Variants in DMD observed in about 807,000 individuals in gnomAD.
The protein encoded by DMD is dystrophin.
Under a neutral mutation model 330.1 loss-of-function variants are expected in DMD, and 63 were observed. That is an observed-to-expected ratio of 0.19 (90% CI 0.16 to 0.24). The LOEUF (loss-of-function observed/expected upper bound fraction) is 0.24. Among genes scored for constraint, DMD ranks in the 10% least tolerant of loss-of-function variants. The probability of loss-of-function intolerance (pLI) is 1.00; values close to 1 mark genes in which losing one functional copy is unlikely to be tolerated. For synonymous variants in DMD, 1,223 were observed against 959.8 expected, an observed-to-expected ratio of 1.27 and a Z score of -5.07; for missense variants, 3,344 against 2,684.1, an observed-to-expected ratio of 1.25 and a Z score of -5.43.
At chrX:32,686,412 AG>A (rs1229893889) in intron 9 of DMD, among the ~76,000 whole-genome samples, 2 of 109,692 alleles carry the variant, frequency 1.8e-5, no homozygotes, top group African/African-American at 6.7e-5. Context: ...TACAAAAATT[AG>A]CTGGGTGTGG....
intron 7 of DMD, among the ~76,000 whole-genome samples, chrX:32,763,234 A>T (rs952618460): frequency 3.6e-5 from 4 of 112,215 alleles, no homozygotes; most frequent in African/African-American, 1.3e-4. Flanking sequence ...GTTTATTCAG[A>T]ATTATTTAAT....
chrX:32,618,149 G>A (rs1282008189), intron 11 of DMD, among the ~76,000 whole-genome samples: 1 of 111,879 alleles, frequency 8.9e-6, no homozygotes, highest in East Asian at 2.8e-4. Flanking sequence ...ATTGGACCCA[G>A]CAATCCTATT....
chrX:31,688,818 C>G (rs535952937), intron 52 of DMD, among the ~76,000 whole-genome samples: 1 of 111,349 alleles, frequency 9.0e-6, no homozygotes, highest in Non-Finnish European at 1.9e-5. Flanking sequence ...GTTCAACATA[C>G]GCAAATCAAT....
intron 7 of DMD, among the ~76,000 whole-genome samples, chrX:32,775,342 T>G (rs2074030053): frequency 8.9e-6 from 1 of 112,516 alleles, no homozygotes; most frequent in Non-Finnish European, 1.9e-5. Flanking sequence ...GACTCTGTGG[T>G]GGGGGGAAGG....
At chrX:31,528,294 T>C (rs774398230) in intron 55 of DMD, among the ~76,000 whole-genome samples, 2 of 112,525 alleles carry the variant, frequency 1.8e-5, no homozygotes, top group South Asian at 7.4e-4. Flanking sequence ...CATATCTAGA[T>C]GTCAAATTTC....
intron 44 of DMD, among the ~76,000 whole-genome samples, chrX:32,141,829 G>A (rs775408253): frequency 2.2e-4 from 24 of 110,837 alleles, no homozygotes; most frequent in Non-Finnish European, 4.0e-4. Context: ...GGGCCTTGGG[G>A]CCTTTTGTGA....
intron 2 of DMD, among the ~76,000 whole-genome samples, chrX:32,886,494 G>A (rs758118909): frequency 9.2e-6 from 1 of 109,265 alleles, no homozygotes; most frequent in East Asian, 2.9e-4. Flanking sequence ...CCATCCTGGC[G>A]AACACGGTGA....
At chrX:31,182,375 C>T (rs1411088483) in intron 68 of DMD, among the ~76,000 whole-genome samples, 1 of 111,959 alleles carries the variant, frequency 8.9e-6, no homozygotes, top group African/African-American at 3.3e-5. Flanking sequence ...TTTCTATAAA[C>T]AGGAAAGACC....
intron 77 of DMD, among the ~76,000 whole-genome samples, chrX:31,128,635 TCA>T (rs2034062764): frequency 8.9e-6 from 1 of 112,030 alleles, no homozygotes; most frequent in Non-Finnish European, 1.9e-5. Flanking sequence ...TATTCAGAAC[TCA>T]GTTATCAATT....
chrX:32,578,272 G>T (rs1644918145), intron 13 of DMD, among the ~76,000 whole-genome samples: 2 of 111,960 alleles, frequency 1.8e-5, no homozygotes, highest in African/African-American at 6.5e-5. Flanking sequence ...TGAGCTTTTA[G>T]CAATAATGCA....
intron 21 of DMD, among the ~76,000 whole-genome samples, chrX:32,480,951 T>C (rs1245131355): frequency 9.0e-6 from 1 of 110,891 alleles, no homozygotes; most frequent in Non-Finnish European, 1.9e-5. Context: ...TTTGCCTAGA[T>C]GTATTAAAAA....
At chrX:32,089,889 A>T (rs2096464303) in intron 44 of DMD, among the ~76,000 whole-genome samples, 1 of 111,831 alleles carries the variant, frequency 8.9e-6, no homozygotes, top group South Asian at 3.7e-4. Context: ...CGACCGAACT[A>T]ATTTACGTTC....
chrX:32,076,079 A>C (rs1396055508), intron 44 of DMD, among the ~76,000 whole-genome samples: 1,817 of 93,806 alleles, frequency 0.019, 64 homozygotes, highest in African/African-American at 0.069. Flanking sequence ...AAAAAAAAAA[A>C]AAAAAAAAGA....
intron 44 of DMD, among the ~76,000 whole-genome samples, chrX:32,112,292 C>A (rs1328906502): frequency 8.9e-6 from 1 of 112,038 alleles, no homozygotes; most frequent in African/African-American, 3.2e-5. Flanking sequence ...TCCAATGTTT[C>A]TGATCAAGCA....
chrX:31,305,148 G>A (rs1278995689), intron 62 of DMD, among the ~76,000 whole-genome samples: 1 of 111,802 alleles, frequency 8.9e-6, no homozygotes, highest in Non-Finnish European at 1.9e-5. Flanking sequence ...ACAAATAATA[G>A]TTTGTATATT....
chrX:31,493,990 C>G (rs778632139), intron 57 of DMD, among the ~76,000 whole-genome samples: 1 of 109,881 alleles, frequency 9.1e-6, no homozygotes, highest in African/African-American at 3.3e-5. Context: ...AACCCTGTCT[C>G]TACTAAAAAT....
At chrX:32,439,453 T>A (rs966088498) in intron 28 of DMD, among the ~76,000 whole-genome samples, 1 of 111,805 alleles carries the variant, frequency 8.9e-6, no homozygotes, top group African/African-American at 3.2e-5. Flanking sequence ...ATATTCCTTA[T>A]TACTTCTAAC....
intron 43 of DMD, among the ~76,000 whole-genome samples, chrX:32,248,125 T>C (rs1302488990): frequency 9.0e-6 from 1 of 111,729 alleles, no homozygotes; most frequent in African/African-American, 3.2e-5. Flanking sequence ...AATTAAACAA[T>C]GATGCTACGA....
rs61325834 is a variant in DMD at position 32,715,469 on chromosome X, CAAAAAAAAAAAAAA to C, written c.650-16190_650-16177del. On this transcript the variant is annotated intron_variant, in intron 7 of 78. Transcript: ENST00000357033. ...ATCAGCCTGGTGACAGAGATTCCATCAAAAAAAAAAAAAAAAAAAAAAAAAAGGAGATCTTGACC... is the reference window on the plus strand; with the variant it reads ...ATCAGCCTGGTGACAGAGATTCCATCAAAAAAAAAAAAGGAGATCTTGACC... 4.7e-3 allele frequency among the ~76,000 whole-genome samples: 81 copies of C among 17,225 alleles called. 1 individual carries two copies. Among genetic ancestry groups the C allele is most frequent in the South Asian group, 0.016 (3 of 189 alleles). The allele number at this position is 17,225 out of a possible 115,157, so 15.0% of individuals were successfully genotyped here. A position where few individuals can be genotyped will look rare whatever the true frequency, so the allele number is the denominator to read the frequency against.
Sources: gnomAD v4.1 joint callset for allele counts (sites outside exome capture counted in the v4.1 genomes callset) on GRCh38, gnomAD v4.1.1 for gene constraint, MANE v1.5 for transcripts, NCBI Gene and HGNC (gene_info 2026-07-23, HGNC 2026-07-21) for gene names.